ADCYAP1R1: variants seen among roughly 807,000 people sequenced by gnomAD.
ADCYAP1R1 encodes pituitary adenylate cyclase-activating polypeptide type I receptor.
Under a neutral mutation model 67.6 loss-of-function variants are expected in ADCYAP1R1, and 44 were observed. That is an observed-to-expected ratio of 0.65 (90% CI 0.51 to 0.84). The LOEUF (loss-of-function observed/expected upper bound fraction) is 0.84, where lower values mean the gene tolerates loss of function less well. Among genes scored for constraint, ADCYAP1R1 ranks in the 40% least tolerant of loss-of-function variants. The pLI, the probability that ADCYAP1R1 is intolerant of heterozygous loss-of-function variation, is 0.00. For synonymous variants in ADCYAP1R1, 222 were observed against 219.6 expected, an observed-to-expected ratio of 1.01 and a Z score of -0.10; for missense variants, 477 against 587.9, an observed-to-expected ratio of 0.81 and a Z score of 1.95.
In ADCYAP1R1 at chr7:31,086,455, G is replaced by A. The variant is rs963457938; in HGVS notation, c.741G>A (p.Glu247=). ...CCAACTACTTCTGGCTGTTCATCGA[G>A]GGCCTGTACCTCTTCACTCTGCTGG... ...VVSNYFWLFI[E]GLYLFTLLVE... Residue 247 remains glutamate, a synonymous_variant, in exon 10 of 16, where the codon GAG becomes GAA. Transcript: ENST00000304166. This position sits in a 1 kb window ranked among gnomAD's most constrained non-coding sequence, Gnocchi z 5.0. 6.2e-7 allele frequency: 1 copy of A among 1,614,070 alleles called. No homozygotes were observed. The highest frequency in any genetic ancestry group is 1.3e-5 in the African/African-American group (1 of 74,938).
intron 11 of ADCYAP1R1, among the ~76,000 whole-genome samples, 170 bp from the exon 12 acceptor site, chr7:31,087,456 GA>G (rs753090756): frequency 7.9e-5 from 12 of 152,224 alleles, no homozygotes; most frequent in Non-Finnish European, 1.3e-4. Flanking sequence ...TCAGAGCCAG[GA>G]CCAGGCTGGA....
At chr7:31,080,236 T>C (rs1199483301) in intron 4 of ADCYAP1R1, among the ~76,000 whole-genome samples, 1 of 152,256 alleles carries the variant, frequency 6.6e-6, no homozygotes, top group Non-Finnish European at 1.5e-5. Context: ...TTAGCACCTC[T>C]GTTCACAAAA....
Position 31,102,020 on chromosome 7 carries a change from TCTC to T in ADCYAP1R1, c.1047-1213_1047-1211del, listed in dbSNP as rs1289953260. Among the ~76,000 whole-genome samples the T allele has an allele frequency of 6.6e-6, 1 of 152,080 alleles. No individual in the cohort carries two copies. The highest frequency in any genetic ancestry group is 2.4e-5 in the African/African-American group (1 of 41,418). ...CCCCTGTGTCTCCTCCTTCCTTCCT[TCTC>T]CTCTCTGAATGTAAGCTAGGAAGTC... On this transcript the variant is annotated intron_variant, in intron 13 of 15. Transcript: ENST00000304166. The surrounding 1 kb of genome is among the most constrained non-coding windows in gnomAD (Gnocchi z 4.3).
Position 31,078,030 on chromosome 7 carries a change from C to A in ADCYAP1R1, c.197C>A (p.Pro66His). 6.2e-7 allele frequency: 1 copy of A among 1,613,144 alleles called. No homozygotes were observed. The highest frequency in any genetic ancestry group is 8.5e-7 in the Non-Finnish European group (1 of 1,179,472). Residue 66 changes from proline (P) to histidine (H), a missense_variant, in exon 4 of 16, where the codon CCC becomes CAC. Physicochemically the swap from Pro to His is moderately conservative, Grantham distance 77. Transcript: ENST00000304166. Reference sequence around the variant, plus strand: ...TGGGACAACATCACGTGTTGGAAGCCCGCCCATGTGGGTGAGATGGTCCTG... The same window carrying A: ...TGGGACAACATCACGTGTTGGAAGCACGCCCATGTGGGTGAGATGGTCCTG... ...GMWDNITCWK[P>H]AHVGEMVLVS...
Position 31,071,956 on chromosome 7 carries a change from GATCCATCCATCCATCC to G in ADCYAP1R1, c.158-6005_158-5990del, listed in dbSNP as rs560523944. On this transcript the variant is annotated intron_variant, in intron 3 of 15. Coordinates refer to ENST00000304166, the MANE Select transcript of ADCYAP1R1 (RefSeq NM_001118.5). ...CCTGGCCCTTTCCACTGTGGTAAAT[GATCCATCCATCCATCC>G]ATCCATCCATCCATCCATCCATCCA... 3.5e-5 allele frequency among the ~76,000 whole-genome samples: 5 copies of G among 142,698 alleles called. No individual in the cohort carries two copies. The South Asian group carries it at 6.8e-4, about 19-fold the overall frequency. 93.6% of individuals were successfully genotyped at this position (142,698 alleles called of 152,430 possible). A position where few individuals can be genotyped will look rare whatever the true frequency, so the allele number is the denominator to read the frequency against.
intron 3 of ADCYAP1R1, among the ~76,000 whole-genome samples, chr7:31,070,471 C>T (rs1794925506): frequency 6.6e-6 from 1 of 152,192 alleles, no homozygotes; most frequent in Non-Finnish European, 1.5e-5. Flanking sequence ...GCCCAGGGCA[C>T]CAAATGCCTT....
intron 3 of ADCYAP1R1, among the ~76,000 whole-genome samples, chr7:31,074,309 A>G (rs1584497012): frequency 6.6e-6 from 1 of 152,132 alleles, no homozygotes; most frequent in African/African-American, 2.4e-5. Flanking sequence ...TCTATCCTCA[A>G]ACATCAATTT....
intron 6 of ADCYAP1R1, among the ~76,000 whole-genome samples, chr7:31,082,129 C>T (rs1009292488): frequency 4.6e-5 from 7 of 152,240 alleles, no homozygotes; most frequent in African/African-American, 1.7e-4. Context: ...CTGGCAGTCT[C>T]TAATTTATTC....
At chr7:31,062,678 G>A (rs1794558020) in intron 1 of ADCYAP1R1, among the ~76,000 whole-genome samples, 1 of 152,196 alleles carries the variant, frequency 6.6e-6, no homozygotes, top group African/African-American at 2.4e-5. Flanking sequence ...TGTTATTTGG[G>A]AAGGGTTAAA....
intron 3 of ADCYAP1R1, among the ~76,000 whole-genome samples, chr7:31,077,504 G>T (rs1795304088): frequency 1.4e-5 from 2 of 143,928 alleles, no homozygotes; most frequent in Admixed American, 1.4e-4. Flanking sequence ...TAGTGTATGT[G>T]GTATATGTGG....
intron 14 of ADCYAP1R1, among the ~76,000 whole-genome samples, chr7:31,104,321 C>T (rs1332631964): frequency 6.6e-6 from 1 of 152,200 alleles, no homozygotes; most frequent in African/African-American, 2.4e-5. Context: ...GAAAATGCTC[C>T]TGCTTTTTTG....
chr7:31,101,804 T>C (rs2041568), intron 13 of ADCYAP1R1, among the ~76,000 whole-genome samples: 32,652 of 152,132 alleles, frequency 0.21, 7,308 homozygotes, highest in African/African-American at 0.57. Context: ...CAGTCAGAGA[T>C]AGACAGATAA....
chr7:31,100,265 A>G, intron 13 of ADCYAP1R1: 1 of 1,499,464 alleles, frequency 6.7e-7, no homozygotes, highest in Non-Finnish European at 9.1e-7. Flanking sequence ...TGGGGGACGC[A>G]TGCTGCCACT....
chr7:31,054,763 C>A (rs1030319865), intron 1 of ADCYAP1R1, among the ~76,000 whole-genome samples: 1 of 152,210 alleles, frequency 6.6e-6, no homozygotes, highest in African/African-American at 2.4e-5. Context: ...GAGCTTAGCT[C>A]GGTGCCAGGA....
rs916715711 is a variant in ADCYAP1R1, at chr7:31,108,137, T to C, written c.*1453T>C. ...GTTTCATGATGATGCTCTGGAATGC[T>C]TGGGGACTTTGGGTGGAGGAGGATG... On this transcript the variant is annotated 3_prime_UTR_variant, in exon 16 of 16. Coordinates refer to ENST00000304166, the MANE Select transcript of ADCYAP1R1 (RefSeq NM_001118.5). 6.6e-6 allele frequency: 1 copy of C among 152,276 alleles called. No homozygotes were observed. The highest frequency in any genetic ancestry group is 2.4e-5 in the African/African-American group (1 of 41,478). 9.4% of individuals were successfully genotyped at this position (152,276 alleles called of 1,614,324 possible).
At chr7:31,076,573 C>T (rs569511132) in intron 3 of ADCYAP1R1, among the ~76,000 whole-genome samples, 2 of 152,334 alleles carry the variant, frequency 1.3e-5, no homozygotes, top group South Asian at 4.1e-4. Context: ...CCCTTCCTCT[C>T]CATCAGTCTG....
chr7:31,064,844 A>T lies in ADCYAP1R1; in HGVS notation c.65A>T (p.His22Leu). ...GTTCTCCTACAGGCCCCTGCCATGC[A>T]TTCTGACTGCATCTTCAAGAAGGAG... ...LLLLPMAPAM[H>L]SDCIFKKEQA... Residue 22 changes from histidine to leucine, a missense_variant, in exon 3 of 16, where the codon CAT becomes CTT. By Grantham distance (99) the His-to-Leu change is moderately conservative (BLOSUM62 -3). Transcript: ENST00000304166. The T allele has an allele frequency of 6.2e-7, 1 of 1,612,176 alleles. No individual in the cohort carries two copies. Among genetic ancestry groups the T allele is most frequent in the Non-Finnish European group, 8.5e-7 (1 of 1,179,128 alleles).
At chr7:31,056,116 C>T (rs931069451) in intron 1 of ADCYAP1R1, among the ~76,000 whole-genome samples, 3 of 152,142 alleles carry the variant, frequency 2.0e-5, no homozygotes, top group African/African-American at 4.8e-5. Flanking sequence ...AGACAAGACT[C>T]GAAACTCACA....
rs149516824 is a variant in ADCYAP1R1, at chr7:31,075,268, T to C, written c.158-2723T>C. On this transcript the variant is annotated intron_variant, in intron 3 of 15. Transcript: ENST00000304166. ...CTGTCGGCAGTGAACAGGCATTGAA[T>C]GAGCCTGGCTCTATTCTGAGAGCTT... 5.5e-3 allele frequency among the ~76,000 whole-genome samples: 841 copies of C among 152,320 alleles called. 11 individuals carry two copies. The highest frequency in any genetic ancestry group is 0.017 in the African/African-American group (722 of 41,568).
Sources: gnomAD v4.1 joint callset for allele counts (sites outside exome capture counted in the v4.1 genomes callset) on GRCh38, gnomAD v4.1.1 for gene constraint, Gnocchi (gnomAD v3.1) non-coding constraint, MANE v1.5 for transcripts, NCBI Gene and HGNC (gene_info 2026-07-23, HGNC 2026-07-21) for gene names.